Variants in PCNT observed in about 807,000 individuals in gnomAD.
PCNT encodes the protein kendrin.
Under a neutral mutation model 380.4 loss-of-function variants are expected in PCNT, and 319 were observed. That is an observed-to-expected ratio of 0.84 (90% CI 0.77 to 0.92). The LOEUF is 0.92. Ranked by LOEUF, PCNT falls within the 40% of genes least tolerant of loss-of-function variation. PCNT has a pLI of 0.00. For synonymous variants in PCNT, 1,845 were observed against 1,735.2 expected (o/e 1.06, Z -1.57); for missense variants, 4,400 against 4,255.3 (o/e 1.03, Z -0.95).
At chr21:46,439,140 G>C (rs990872456) in intron 41 of PCNT, among the ~76,000 whole-genome samples, 1 of 150,710 alleles carries the variant, frequency 6.6e-6, no homozygotes, top group Non-Finnish European at 1.5e-5. Context: ...CCCTTTCCTG[G>C]TGTAGTGTCA....
At chr21:46,370,885 A>G (rs1569212642) in intron 15 of PCNT, among the ~76,000 whole-genome samples, 1 of 152,176 alleles carries the variant, frequency 6.6e-6, no homozygotes, top group Non-Finnish European at 1.5e-5. Flanking sequence ...AATACAAAAA[A>G]TTAGACAGGC....
chr21:46,444,039 T>C, intron 45 of PCNT, 91 bp downstream of exon 45: 17 of 1,392,064 alleles, frequency 1.2e-5, no homozygotes, highest in Non-Finnish European at 1.7e-5. Context: ...TAGTTCTGGC[T>C]TTGGCCCAGC....
rs57503743 is a variant in PCNT at position 46,397,755 on chromosome 21, G to GGCTGGGCCTGT, written c.4447-254_4447-244dup. 0.13 allele frequency among the ~76,000 whole-genome samples: 19,490 copies of GGCTGGGCCTGT among 152,074 alleles called. 1,314 individuals carry two copies. The highest frequency in any genetic ancestry group is 0.21 in the South Asian group (1,010 of 4,806). On this transcript the variant is annotated intron_variant, in intron 22 of 46. Transcript: ENST00000359568. ...TCACGGAGGCGTCACTTGGGGCCCG[G>GGCTGGGCCTGT]GCTGGGCCTGTGCTGCAGCTCTCAC...
In PCNT at chr21:46,353,098, T is replaced by C. The variant is rs915559723; in HGVS notation, c.1457-6T>C. ...AAGACGATTGCCTGACTCCGTTATG[T>C]TGCAGAGCTACATGAGCAACTCCTG... On this transcript the variant is annotated splice_polypyrimidine_tract_variant and splice_region_variant and intron_variant, in intron 9 of 46. Coordinates refer to ENST00000359568, the MANE Select transcript of PCNT (RefSeq NM_006031.6). 6.2e-7 allele frequency: 1 copy of C among 1,612,140 alleles called. No individual in the cohort carries two copies. Among genetic ancestry groups the C allele is most frequent in the South Asian group, 1.1e-5 (1 of 91,016 alleles).
At chr21:46,341,472 G>A (rs907512219) in intron 3 of PCNT, among the ~76,000 whole-genome samples, 7 of 151,770 alleles carry the variant, frequency 4.6e-5, no homozygotes, top group African/African-American at 1.5e-4. Flanking sequence ...CCCTAGACAC[G>A]TTTTAATATA....
intron 21 of PCNT, among the ~76,000 whole-genome samples, chr21:46,396,154 G>C (rs968470359): frequency 6.6e-6 from 1 of 152,206 alleles, no homozygotes; most frequent in Admixed American, 6.5e-5. Context: ...TTTCCAAGAC[G>C]CTTTTTCATC....
Position 46,445,516 on chromosome 21 carries a change from T to C in PCNT, c.*189T>C, listed in dbSNP as rs141337842. 1 of 637,586 alleles carries C rather than the reference T, an allele frequency of 1.6e-6. No homozygotes were observed. The highest frequency in any genetic ancestry group is 2.8e-5 in the East Asian group (1 of 36,272). The allele number at this position is 637,586 out of a possible 1,614,324, so 39.5% of individuals were successfully genotyped here. On this transcript the variant is annotated 3_prime_UTR_variant, in exon 47 of 47. Coordinates refer to ENST00000359568, the MANE Select transcript of PCNT (RefSeq NM_006031.6). ...CTGCAAAGCCAGCTGGAGCATTTTC[T>C]ATGGAGCCTCCGTATGTTTTAGGCC... is the stretch of plus-strand genomic sequence containing the variant.
At chr21:46,385,798 TTTTAACGAAAGC>T in intron 16 of PCNT, 22 bp from the exon 17 acceptor site, 1 of 1,613,234 alleles carries the variant, frequency 6.2e-7, no homozygotes, top group Non-Finnish European at 8.5e-7. Context: ...AACCAAATTG[TTTTAACGAAAGC>T]TTTAACCATT....
chr21:46,432,361 C>T, intron 38 of PCNT, 146 bp downstream of exon 38: 1 of 748,434 alleles, frequency 1.3e-6, no homozygotes, highest in East Asian at 2.7e-5. Context: ...TGGCACCACA[C>T]TGCTGTTACT....
rs372115980 is a variant in PCNT at position 46,324,846 on chromosome 21, C to T, written c.54+564C>T. The T allele has an allele frequency of 1.3e-4, 127 of 983,842 alleles. 4 individuals carry two copies. The South Asian group carries it at 2.4e-3, about 19-fold the overall frequency. The allele number at this position is 983,842 out of a possible 1,614,324, so 60.9% of individuals were successfully genotyped here. ...GCAGCGCCTCCCCAGGGTGCGCCTT[C>T]GCCTCGTCCGTCGGAGATGCTTTCC... On this transcript the variant is annotated intron_variant, in intron 1 of 46. Coordinates refer to ENST00000359568, the MANE Select transcript of PCNT (RefSeq NM_006031.6).
chr21:46,390,922 T>G, intron 20 of PCNT, 90 bp downstream of exon 20: 1 of 1,440,738 alleles, frequency 6.9e-7, no homozygotes, highest in African/African-American at 1.4e-5. Context: ...CAGAATAGGG[T>G]TTTTAAAGTG....
intron 15 of PCNT, among the ~76,000 whole-genome samples, chr21:46,379,235 T>C (rs899713390): frequency 2.2e-5 from 3 of 137,728 alleles, no homozygotes; most frequent in Admixed American, 1.4e-4. Flanking sequence ...CATCCGGGGC[T>C]GCGTGTCGTG....
In PCNT at chr21:46,431,576, C is replaced by G. The variant is rs751045309; in HGVS notation, c.8112C>G (p.Leu2704=). 1 of 1,614,082 alleles carries G rather than the reference C, an allele frequency of 6.2e-7. No individual in the cohort carries two copies. The highest frequency in any genetic ancestry group is 1.1e-5 in the South Asian group (1 of 91,090). ...LETQRAQSSR[L]CVALKHEQTA... is the part of the protein sequence containing the mutation. ...CACAGCGTGCTCAGAGCAGTCGACTCTGCGTGGCACTGAAACACGAGCAGA... is the reference window on the plus strand; with the variant it reads ...CACAGCGTGCTCAGAGCAGTCGACTGTGCGTGGCACTGAAACACGAGCAGA... Residue 2704 remains leucine, a synonymous_variant, in exon 38 of 47, where the codon CTC becomes CTG. Transcript: ENST00000359568.
intron 2 of PCNT, among the ~76,000 whole-genome samples, chr21:46,331,640 C>T (rs955470137): frequency 1.3e-5 from 2 of 152,088 alleles, no homozygotes; most frequent in African/African-American, 2.4e-5. Context: ...ACAGTGCACA[C>T]GTGTAGTCCC....
intron 14 of PCNT, among the ~76,000 whole-genome samples, chr21:46,365,904 A>C (rs542203351): frequency 3.6e-5 from 5 of 139,390 alleles, no homozygotes; most frequent in African/African-American, 1.5e-4. Flanking sequence ...GGTTCTGTTC[A>C]CTGCCATGGG....
Position 46,443,796 on chromosome 21 carries a change from T to C in PCNT, c.9701-14T>C. 1 of 1,613,710 alleles carries C rather than the reference T, an allele frequency of 6.2e-7. No homozygotes were observed. Among genetic ancestry groups the C allele is most frequent in the Non-Finnish European group, 8.5e-7 (1 of 1,179,854 alleles). ...TTTTCCTAATCCCTTGGTTGTTAAA[T>C]AATTCTGGGGAAGGGCCCCGAGCAC... On this transcript the variant is annotated splice_polypyrimidine_tract_variant and intron_variant, in intron 44 of 46. Transcript: ENST00000359568.
chr21:46,404,239 CAAT>C (rs1435952540), intron 27 of PCNT, among the ~76,000 whole-genome samples: 1 of 152,262 alleles, frequency 6.6e-6, no homozygotes, highest in Non-Finnish European at 1.5e-5. Flanking sequence ...AAAACAACAA[CAAT>C]AACAACAAAA....
chr21:46,349,724 T>C lies in PCNT; in HGVS notation c.1248T>C (p.Ile416=), dbSNP rs1252177993. 13 of 1,613,958 alleles carry C rather than the reference T, an allele frequency of 8.1e-6. No homozygotes were observed. Among genetic ancestry groups the C allele is most frequent in the South Asian group, 1.1e-5 (1 of 91,078 alleles). ...RNLESHHQAA[I]EKLREDLQSE... ...TGGAGAGTCATCATCAAGCAGCCAT[T>C]GAGAAGTTACGTGAAGACCTGCAGT... The change falls in exon 8 of 47, where the codon ATT becomes ATC. Residue 416 remains isoleucine, a synonymous_variant. Coordinates refer to ENST00000359568, the MANE Select transcript of PCNT (RefSeq NM_006031.6).
In PCNT at chr21:46,353,751, T is replaced by TGTGTGTGTGA. The variant is rs59894003; in HGVS notation, c.1680-235_1680-234insTGTGTGTGAG. ...GTGTGTGTGTGTGTGTGTGTGTGTGTGAGAGAGACAGAGAGAGAGTCAGTG... is the reference window on the plus strand; with the variant it reads ...GTGTGTGTGTGTGTGTGTGTGTGTGTGTGTGTGTGAGAGAGAGACAGAGAGAGAGTCAGTG... On this transcript the variant is annotated intron_variant, in intron 10 of 46. Coordinates refer to ENST00000359568, the MANE Select transcript of PCNT (RefSeq NM_006031.6). Among the ~76,000 whole-genome samples the TGTGTGTGTGA allele has an allele frequency of 6.0e-3, 631 of 104,392 alleles. 13 individuals are homozygous for TGTGTGTGTGA. The East Asian group carries it at 0.069, about 11-fold the overall frequency. 68.5% of individuals were successfully genotyped at this position (104,392 alleles called of 152,430 possible).
Sources: allele counts gnomAD v4.1 joint callset (sites outside exome capture counted in the v4.1 genomes callset), GRCh38; gene constraint gnomAD v4.1.1; transcripts MANE v1.5; gene names NCBI Gene and HGNC (gene_info 2026-07-23, HGNC 2026-07-21).